SYNE1: variants seen among roughly 807,000 people sequenced by gnomAD.
The protein encoded by SYNE1 is spectrin repeat containing nuclear envelope protein 1.
Under a neutral mutation model 1,111.0 loss-of-function variants are expected in SYNE1, and 616 were observed. The observed-to-expected ratio is 0.55, with a 90% CI of 0.52 to 0.59. SYNE1 has a LOEUF of 0.59. SYNE1 is among the 20% of genes least tolerant of loss of function. The pLI is 0.00. For synonymous variants in SYNE1, 3,855 were observed against 3,825.8 expected (o/e 1.01, Z -0.28); for missense variants, 10,006 against 10,417.0 (o/e 0.96, Z 1.72).
intron 137 of SYNE1, chr6:152,145,215 T>C (rs1466188744): frequency 8.4e-6 from 4 of 476,472 alleles, no homozygotes; most frequent in African/African-American, 7.9e-5. Flanking sequence ...CTTCTCATAT[T>C]TTCTGCAGTT....
chr6:152,217,726 A>G (rs568332828), intron 121 of SYNE1, among the ~76,000 whole-genome samples: 3 of 152,108 alleles, frequency 2.0e-5, no homozygotes, highest in South Asian at 2.1e-4. Flanking sequence ...GAACATGGAG[A>G]GGGACCAGCC....
chr6:152,366,268 G>T (rs1458947479), intron 62 of SYNE1, among the ~76,000 whole-genome samples: 1 of 152,144 alleles, frequency 6.6e-6, no homozygotes, highest in Non-Finnish European at 1.5e-5. Flanking sequence ...GGAGGCAGAG[G>T]TTGCGGTGAG....
chr6:152,134,159 T>A (rs1006706335), intron 142 of SYNE1: 3 of 152,916 alleles, frequency 2.0e-5, no homozygotes, highest in African/African-American at 7.2e-5. Flanking sequence ...TTAAATATAC[T>A]GTACATTATA....
chr6:152,310,547 T>A, intron 88 of SYNE1, 29 bp from the exon 89 acceptor site: 1 of 1,613,738 alleles, frequency 6.2e-7, no homozygotes, highest in Non-Finnish European at 8.5e-7. Context: ...TGTATTGTAC[T>A]TGAAGTTCAA....
intron 39 of SYNE1, among the ~76,000 whole-genome samples, chr6:152,421,671 T>TTTTATTTA (rs377235444): frequency 2.1e-4 from 30 of 145,398 alleles, no homozygotes; most frequent in Middle Eastern, 3.6e-3. Flanking sequence ...ATTTTCCTTA[T>TTTTATTTA]TTTATTTATT....
chr6:152,414,562 C>G (rs1284519331), intron 41 of SYNE1, among the ~76,000 whole-genome samples: 1 of 151,406 alleles, frequency 6.6e-6, no homozygotes, highest in African/African-American at 2.4e-5. Context: ...CTTATTATCC[C>G]CACCTTACAA....
chr6:152,635,236 C>T (rs568715619), intron 2 of SYNE1, among the ~76,000 whole-genome samples: 25 of 152,312 alleles, frequency 1.6e-4, no homozygotes, highest in Middle Eastern at 3.4e-3. Flanking sequence ...TTGTGAAAAT[C>T]ATTAGTTCAG....
chr6:152,222,551 A>T (rs980586730), intron 117 of SYNE1, among the ~76,000 whole-genome samples: 30 of 152,232 alleles, frequency 2.0e-4, no homozygotes, highest in Non-Finnish European at 2.9e-5. Context: ...TCAATTGACA[A>T]ATAATAATTG....
At chr6:152,319,753 CTTCA>C (rs2095826371) in intron 84 of SYNE1, 2 of 152,034 alleles carry the variant, frequency 1.3e-5, no homozygotes, top group African/African-American at 4.8e-5. Context: ...GTGTTTTGGC[CTTCA>C]TTATTTTGAG....
At chr6:152,526,849 T>C (rs1403060143) in intron 4 of SYNE1, among the ~76,000 whole-genome samples, 1 of 152,186 alleles carries the variant, frequency 6.6e-6, no homozygotes, top group Non-Finnish European at 1.5e-5. Flanking sequence ...TCATCGCTGC[T>C]GGAAAAATAA....
At chr6:152,213,032 T>C (rs2077823981) in intron 123 of SYNE1, among the ~76,000 whole-genome samples, 1 of 152,156 alleles carries the variant, frequency 6.6e-6, no homozygotes, top group South Asian at 2.1e-4. Flanking sequence ...TACCGGTAAA[T>C]AGCAACATAA....
Position 152,214,961 on chromosome 6 carries a change from G to A in SYNE1, c.22291C>T (p.Gln7431Ter), listed in dbSNP as rs1356680717. 6.2e-7 allele frequency: 1 copy of A among 1,614,096 alleles called. No individual in the cohort carries two copies. The highest frequency in any genetic ancestry group is 1.7e-5 in the Admixed American group (1 of 60,022). ...AGAGACCAATGGCGGTTCAGATTCT[G>A]CATTCTTTTGATTTCCTTATCATTC... ...PLNDKEIKRM[Q>*]NLNRHWSLIS... Residue 7431 changes from glutamine (Q) to a stop codon, truncating the protein, a stop_gained, in exon 122 of 146, where the codon CAG (glutamine) becomes TAG (stop). Transcript: ENST00000367255. LOFTEE classifies it high-confidence loss of function.
intron 98 of SYNE1, among the ~76,000 whole-genome samples, chr6:152,274,756 C>G (rs887944054): frequency 6.6e-6 from 1 of 152,054 alleles, no homozygotes. Context: ...ACCACCACAC[C>G]TGGCTAATTT....
At chr6:152,619,760 G>A (rs569456064) in intron 3 of SYNE1, among the ~76,000 whole-genome samples, 5 of 152,208 alleles carry the variant, frequency 3.3e-5, no homozygotes, top group Middle Eastern at 3.4e-3. Flanking sequence ...AGATGGTACC[G>A]ACAGGAGAAT....
Position 152,471,648 on chromosome 6 carries a change from G to A in SYNE1, c.1581C>T (p.Ile527=). 2 of 1,614,006 alleles carry A rather than the reference G, an allele frequency of 1.2e-6. No individual in the cohort carries two copies. Among genetic ancestry groups the A allele is most frequent in the East Asian group, 4.5e-5 (2 of 44,876 alleles). Reference sequence around the variant, plus strand: ...CTGACTCTCTCCTCCCGTACTTAATGATCCAAGACTTCAGCTTTGACTCTG... The same window carrying A: ...CTGACTCTCTCCTCCCGTACTTAATAATCCAAGACTTCAGCTTTGACTCTG... The part of the protein sequence containing the change: ...VLAESKLKSW[I]IKYGRRESVE... The change falls in exon 16 of 146, where the codon ATC becomes ATT. Residue 527 remains isoleucine (I), a synonymous_variant. Transcript: ENST00000367255.
chr6:152,494,799 G>A (rs1297182371), intron 11 of SYNE1, among the ~76,000 whole-genome samples: 1 of 152,062 alleles, frequency 6.6e-6, no homozygotes, highest in African/African-American at 2.4e-5. Context: ...GTCCTTCACT[G>A]CAAAGGCCAT....
chr6:152,531,677 C>T (rs1474964534), intron 4 of SYNE1, among the ~76,000 whole-genome samples: 2 of 152,134 alleles, frequency 1.3e-5, no homozygotes, highest in Non-Finnish European at 2.9e-5. Flanking sequence ...CAGCCTCTAC[C>T]ATTCTACCAT....
rs778273903 is a variant in SYNE1 at position 152,330,010 on chromosome 6, T to G, written c.14675A>C (p.Glu4892Ala). The change falls in exon 78 of 146, where the codon GAG becomes GCG. Residue 4892 changes from glutamate to alanine, a missense_variant. Physicochemically the swap from Glu to Ala is moderately radical, Grantham distance 107 (BLOSUM62 -1). Transcript: ENST00000367255. ...RMVQSIDFQT[E>A]MSRSLDWLRR... ...CAGCCAGTCCAGGGAGCGACTCATC[T>G]CAGTCTGGAAGTCTATACTCTGCAC... is the stretch of plus-strand genomic sequence containing the variant. The G allele has an allele frequency of 6.2e-7, 1 of 1,614,196 alleles. No homozygotes were observed. Among genetic ancestry groups the G allele is most frequent in the Non-Finnish European group, 8.5e-7 (1 of 1,180,038 alleles).
intron 58 of SYNE1, among the ~76,000 whole-genome samples, chr6:152,375,807 T>G (rs2154101982): frequency 6.6e-6 from 1 of 152,342 alleles, no homozygotes; most frequent in African/African-American, 2.4e-5. Context: ...AAACGTTTTA[T>G]TATTTCCTGG....
Sources: gnomAD v4.1 joint callset for allele counts (sites outside exome capture counted in the v4.1 genomes callset) on GRCh38, gnomAD v4.1.1 for gene constraint, MANE v1.5 for transcripts, NCBI Gene and HGNC (gene_info 2026-07-23, HGNC 2026-07-21) for gene names.